CHSY3: variants seen among roughly 807,000 people sequenced by gnomAD.
CHSY3 encodes the protein chondroitin sulfate synthase 3, also known as N-acetylgalactosaminyl-proteoglycan 3-beta-glucuronosyltransferase 3.
In CHSY3, 35 loss-of-function variants were observed where a neutral mutation model predicts 67.2. That is an observed-to-expected ratio of 0.52 (90% CI 0.40 to 0.69). The LOEUF is 0.69. CHSY3 is among the 30% of genes least tolerant of loss of function. The pLI, the probability that CHSY3 is intolerant of heterozygous loss-of-function variation, is 0.00. For synonymous variants in CHSY3, 474 were observed against 434.7 expected (o/e 1.09, Z -1.12); for missense variants, 1,069 against 1,138.5 (o/e 0.94, Z 0.88).
At chr5:130,136,198 C>A (rs1768655716) in intron 2 of CHSY3, among the ~76,000 whole-genome samples, 1 of 152,022 alleles carries the variant, frequency 6.6e-6, no homozygotes. Flanking sequence ...AATTTTAATA[C>A]GGGAAGATAT....
chr5:130,165,252 T>G (rs1348423662), intron 2 of CHSY3, among the ~76,000 whole-genome samples: 2 of 152,120 alleles, frequency 1.3e-5, no homozygotes, highest in Non-Finnish European at 2.9e-5. Context: ...TCTTGGGATT[T>G]TGGACCAGGA....
chr5:129,909,532 T>C (rs1395250151), intron 2 of CHSY3, among the ~76,000 whole-genome samples: 1 of 152,080 alleles, frequency 6.6e-6, no homozygotes, highest in African/African-American at 2.4e-5. Flanking sequence ...GAAAGTAAAA[T>C]TTATTAGTCA....
intron 2 of CHSY3, among the ~76,000 whole-genome samples, chr5:130,114,680 T>A (rs1053510750): frequency 1.3e-5 from 2 of 152,206 alleles, no homozygotes; most frequent in Non-Finnish European, 2.9e-5. Context: ...ACTTAAAGTT[T>A]CTTTATGTGG....
At chr5:130,119,454 G>A (rs1273604744) in intron 2 of CHSY3, among the ~76,000 whole-genome samples, 1 of 152,150 alleles carries the variant, frequency 6.6e-6, no homozygotes, top group African/African-American at 2.4e-5. Flanking sequence ...CATTACGCGT[G>A]TATTTAGTGT....
At chr5:129,923,537 A>T (rs1044309007) in intron 2 of CHSY3, among the ~76,000 whole-genome samples, 2 of 152,200 alleles carry the variant, frequency 1.3e-5, no homozygotes, top group Admixed American at 6.5e-5. Context: ...AAATATAAGC[A>T]GGGGAAATGA....
intron 2 of CHSY3, among the ~76,000 whole-genome samples, chr5:130,169,179 A>C (rs1769832541): frequency 6.6e-6 from 1 of 152,116 alleles, no homozygotes; most frequent in Non-Finnish European, 1.5e-5. Context: ...TATACACGGC[A>C]GTGAACTATG....
intron 2 of CHSY3, among the ~76,000 whole-genome samples, chr5:129,921,010 T>C (rs1163147122): frequency 6.6e-6 from 1 of 152,124 alleles, no homozygotes; most frequent in Non-Finnish European, 1.5e-5. Flanking sequence ...TGTAGTGACG[T>C]GGTTTTGCCA....
chr5:130,182,484 G>T (rs779461077), intron 2 of CHSY3, among the ~76,000 whole-genome samples: 5 of 151,762 alleles, frequency 3.3e-5, no homozygotes, highest in South Asian at 2.1e-4. Context: ...AAAGAACAAG[G>T]TTCTTAACTT....
chr5:130,138,274 C>A (rs1463232308), intron 2 of CHSY3, among the ~76,000 whole-genome samples: 3 of 152,176 alleles, frequency 2.0e-5, no homozygotes, highest in Admixed American at 2.0e-4. Flanking sequence ...CAATATCTAG[C>A]CAACCAAGGA....
chr5:129,919,137 AT>A (rs1561454507), intron 2 of CHSY3, among the ~76,000 whole-genome samples: 9 of 150,462 alleles, frequency 6.0e-5, no homozygotes, highest in African/African-American at 2.2e-4. Context: ...AAAAAAAAAA[AT>A]TTATTCTGCT....
rs552765911 is a variant in CHSY3 at position 129,936,614 on chromosome 5, G to C, written c.1086+28254G>C. ...AGCTGGGTCTGATGTGGAGATCCCA[G>C]GCTAGATTTCTGCACCATAGCTGTA... is the stretch of plus-strand genomic sequence containing the variant. On this transcript the variant is annotated intron_variant, in intron 2 of 2. Coordinates refer to ENST00000305031, the MANE Select transcript of CHSY3 (RefSeq NM_175856.5). Among the ~76,000 whole-genome samples, 3 of 152,224 alleles carry C rather than the reference G, an allele frequency of 2.0e-5. No individual in the cohort carries two copies. The East Asian group carries it at 5.8e-4, about 29-fold the overall frequency.
intron 2 of CHSY3, among the ~76,000 whole-genome samples, chr5:129,984,433 TG>T (rs1394319074): frequency 6.6e-6 from 1 of 152,172 alleles, no homozygotes; most frequent in Non-Finnish European, 1.5e-5. Flanking sequence ...CCACCATTGA[TG>T]GCCATATAGG....
intron 2 of CHSY3, among the ~76,000 whole-genome samples, chr5:130,054,941 G>C (rs1765481395): frequency 6.6e-6 from 1 of 152,022 alleles, no homozygotes; most frequent in Non-Finnish European, 1.5e-5. Context: ...ACTCCAGCAG[G>C]GCTAGGTGGG....
At chr5:130,136,172 G>A (rs1184515356) in intron 2 of CHSY3, among the ~76,000 whole-genome samples, 1 of 152,162 alleles carries the variant, frequency 6.6e-6, no homozygotes, top group Non-Finnish European at 1.5e-5. Context: ...TCACCAAGGA[G>A]GTAATGCTTG....
intron 2 of CHSY3, among the ~76,000 whole-genome samples, chr5:130,180,540 G>GT (rs530892029): frequency 2.0e-4 from 31 of 151,466 alleles, no homozygotes; most frequent in African/African-American, 7.3e-4. Context: ...TTTGTTTTTT[G>GT]TTTTTTTAAT....
chr5:130,123,436 G>A (rs929561816), intron 2 of CHSY3, among the ~76,000 whole-genome samples: 2 of 152,084 alleles, frequency 1.3e-5, no homozygotes, highest in African/African-American at 4.8e-5. Flanking sequence ...TCCTCATAAG[G>A]AGCACACAAC....
intron 2 of CHSY3, among the ~76,000 whole-genome samples, chr5:130,104,912 A>G (rs1452341334): frequency 6.6e-6 from 1 of 151,702 alleles, no homozygotes; most frequent in African/African-American, 2.4e-5. Flanking sequence ...TGCTTTCTGA[A>G]AGGAGCCTGA....
chr5:130,115,392 TTCCATATAGTGTTTC>T (rs1767759447), intron 2 of CHSY3, among the ~76,000 whole-genome samples: 4 of 152,162 alleles, frequency 2.6e-5, no homozygotes, highest in Admixed American at 2.6e-4. Context: ...ATTTCACAAT[TTCCATATAGTGTTTC>T]TCCATCTTGT....
chr5:130,076,294 C>G (rs961357498), intron 2 of CHSY3, among the ~76,000 whole-genome samples: 5 of 151,648 alleles, frequency 3.3e-5, no homozygotes, highest in Non-Finnish European at 7.4e-5. Flanking sequence ...CCAGCTAAAA[C>G]TGAATCTTTT....
Sources: gnomAD v4.1 joint callset for allele counts (sites outside exome capture counted in the v4.1 genomes callset) on GRCh38, gnomAD v4.1.1 for gene constraint, MANE v1.5 for transcripts, NCBI Gene and HGNC (gene_info 2026-07-23, HGNC 2026-07-21) for gene names.